Variants in RABGAP1L observed in about 807,000 individuals in gnomAD.
RABGAP1L encodes the protein RAB GTPase activating protein 1 like, also known as rab GTPase-activating protein 1-like.
A neutral mutation model predicts 137.7 loss-of-function variants in RABGAP1L; 63 were observed. That is an observed-to-expected ratio of 0.46 (90% CI 0.37 to 0.56). The LOEUF is 0.56. Ranked by LOEUF, RABGAP1L falls within the 20% of genes least tolerant of loss-of-function variation. The pLI is 0.00. For synonymous variants in RABGAP1L, 431 were observed against 433.7 expected (o/e 0.99, Z 0.08); for missense variants, 1,095 against 1,244.0 (o/e 0.88, Z 1.80).
At chr1:174,182,231 TC>T (rs1328865636) in intron 1 of RABGAP1L, among the ~76,000 whole-genome samples, 1 of 152,022 alleles carries the variant, frequency 6.6e-6, no homozygotes, top group Non-Finnish European at 1.5e-5. Context: ...CTGAGGAGAT[TC>T]GGGGAAAAAA....
chr1:174,523,306 C>T lies in RABGAP1L; in HGVS notation c.1711-114069C>T, dbSNP rs563864576. Reference sequence around the variant, plus strand: ...AGCCCTATTCTTAAATATGAGCATACAGCCAAATATCATTAGGCATTGGAA... The same window carrying T: ...AGCCCTATTCTTAAATATGAGCATATAGCCAAATATCATTAGGCATTGGAA... On this transcript the variant is annotated intron_variant, in intron 13 of 25. Transcript: ENST00000681986. 1.2e-4 allele frequency among the ~76,000 whole-genome samples: 19 copies of T among 152,198 alleles called. No individual in the cohort carries two copies. In the South Asian group the frequency reaches 3.9e-3, roughly 32 times the overall value.
chr1:174,571,578 A>G (rs926914661), intron 13 of RABGAP1L, among the ~76,000 whole-genome samples: 5 of 152,044 alleles, frequency 3.3e-5, no homozygotes, highest in Non-Finnish European at 7.4e-5. Context: ...ATTAAAAATA[A>G]AAAAATTTTT....
intron 19 of RABGAP1L, among the ~76,000 whole-genome samples, chr1:174,854,513 C>T (rs962162534): frequency 4.0e-5 from 6 of 151,896 alleles, no homozygotes; most frequent in African/African-American, 1.5e-4. Flanking sequence ...ATTTTGGGTT[C>T]ATAGATGCCA....
chr1:174,383,492 G>A (rs989675522), intron 12 of RABGAP1L, among the ~76,000 whole-genome samples: 5 of 152,188 alleles, frequency 3.3e-5, no homozygotes, highest in African/African-American at 1.2e-4. Flanking sequence ...TAATCTCGTG[G>A]TGCGCCGTTT....
Position 174,849,266 on chromosome 1 carries a change from C to T in RABGAP1L, c.2340+37306C>T, listed in dbSNP as rs1207960460. On this transcript the variant is annotated intron_variant, in intron 19 of 25. Transcript: ENST00000681986. The stretch of plus-strand genomic sequence containing the variant: ...TTGAAAATGTCACAGTCTTAAGAGT[C>T]AGGAAAGCTTTTACTTTCACTATCA... Among the ~76,000 whole-genome samples the T allele has an allele frequency of 2.0e-5, 3 of 152,064 alleles. No homozygotes were observed. The East Asian group carries it at 5.8e-4, about 29-fold the overall frequency.
chr1:174,788,357 A>G (rs1335560425), intron 18 of RABGAP1L, among the ~76,000 whole-genome samples: 4 of 152,178 alleles, frequency 2.6e-5, no homozygotes, highest in Non-Finnish European at 5.9e-5. Context: ...GTTTTGTATT[A>G]GTGAGTTATA....
intron 13 of RABGAP1L, among the ~76,000 whole-genome samples, chr1:174,572,492 T>G (rs1291402706): frequency 6.6e-6 from 1 of 152,046 alleles, no homozygotes; most frequent in Non-Finnish European, 1.5e-5. Flanking sequence ...TTCAAGCAAT[T>G]CTATCTCAGC....
chr1:174,448,983 G>A lies in RABGAP1L; in HGVS notation c.1710+54838G>A, dbSNP rs767839389. On this transcript the variant is annotated intron_variant, in intron 13 of 25. Coordinates refer to ENST00000681986, the MANE Select transcript of RABGAP1L (RefSeq NM_001366446.1). This position sits in a 1 kb window ranked among gnomAD's most constrained non-coding sequence, Gnocchi z 4.2. ...ATTTACTTTCTTCTAGAAAGCTCCC[G>A]GGTCTTGGACAATCCAACTCTGTCC... 5.0e-6 allele frequency: 8 copies of A among 1,613,416 alleles called. No homozygotes were observed. The highest frequency in any genetic ancestry group is 1.6e-4 in the Middle Eastern group (1 of 6,084).
chr1:174,181,348 T>C (rs992168676), intron 1 of RABGAP1L, among the ~76,000 whole-genome samples: 7 of 150,480 alleles, frequency 4.7e-5, no homozygotes, highest in Non-Finnish European at 8.9e-5. Context: ...TTCTTTTTTT[T>C]TTTTTTTGAG....
intron 13 of RABGAP1L, among the ~76,000 whole-genome samples, chr1:174,498,640 G>A (rs1045081242): frequency 2.1e-4 from 32 of 151,310 alleles, no homozygotes; most frequent in Admixed American, 9.9e-4. Context: ...GGGATTACAG[G>A]CGCATGCCAC....
chr1:174,261,705 T>C (rs1052207038), intron 7 of RABGAP1L, among the ~76,000 whole-genome samples: 1 of 152,226 alleles, frequency 6.6e-6, no homozygotes, highest in South Asian at 2.1e-4. Flanking sequence ...TGAGGGTCTT[T>C]TGCTGGATTT....
At position 174,910,741 on chromosome 1, in the gene RABGAP1L, T is replaced by G. The variant is rs1220574916; in HGVS notation, c.2341-46716T>G. On this transcript the variant is annotated intron_variant, in intron 19 of 25. Transcript: ENST00000681986. ...AGCATACAAAATCAACATACAAAAA[T>G]CATAATTGTAAGTCAGAGACGATCT... 2.0e-5 allele frequency among the ~76,000 whole-genome samples: 3 copies of G among 152,120 alleles called. No homozygotes were observed. In the East Asian group the frequency reaches 5.8e-4, roughly 29 times the overall value.
At chr1:174,886,379 C>G (rs1250352837) in intron 19 of RABGAP1L, among the ~76,000 whole-genome samples, 2 of 152,208 alleles carry the variant, frequency 1.3e-5, no homozygotes, top group East Asian at 1.9e-4. Context: ...TTGTAGTACT[C>G]AAACTCATTG....
In RABGAP1L at chr1:174,818,000, A is replaced by G. The variant is rs118012765; in HGVS notation, c.2340+6040A>G. Among the ~76,000 whole-genome samples the G allele has an allele frequency of 9.1e-4, 139 of 152,326 alleles. No homozygotes were observed. The East Asian group carries it at 0.022, about 25-fold the overall frequency. On this transcript the variant is annotated intron_variant, in intron 19 of 25. Coordinates refer to ENST00000681986, the MANE Select transcript of RABGAP1L (RefSeq NM_001366446.1). ...CAAGAGAACAAATTATAAGCACTAA[A>G]GATAATGAGTTAACTTTTGAATATG...
intron 10 of RABGAP1L, among the ~76,000 whole-genome samples, chr1:174,302,918 T>C (rs1677856847): frequency 6.6e-6 from 1 of 152,174 alleles, no homozygotes; most frequent in African/African-American, 2.4e-5. Flanking sequence ...GTATGATCAG[T>C]CAGTAAATAA....
intron 14 of RABGAP1L, among the ~76,000 whole-genome samples, chr1:174,662,477 CG>C (rs1225275579): frequency 6.6e-6 from 1 of 151,942 alleles, no homozygotes; most frequent in Admixed American, 6.6e-5. Flanking sequence ...AGTGCAGTGG[CG>C]CAATCTCGGC....
intron 19 of RABGAP1L, among the ~76,000 whole-genome samples, chr1:174,909,966 C>T (rs1422363012): frequency 1.3e-5 from 2 of 152,100 alleles, no homozygotes; most frequent in Non-Finnish European, 2.9e-5. Context: ...GGTGAAACCC[C>T]GTCTGTACTA....
chr1:174,921,509 C>T (rs533164775), intron 19 of RABGAP1L, among the ~76,000 whole-genome samples: 2 of 152,254 alleles, frequency 1.3e-5, no homozygotes, highest in East Asian at 3.9e-4. Context: ...CATACTCTTT[C>T]CTATAGGATA....
chr1:174,209,438 G>C (rs1234685699), intron 1 of RABGAP1L, among the ~76,000 whole-genome samples: 1 of 152,196 alleles, frequency 6.6e-6, no homozygotes. Flanking sequence ...GGCCTTAAGG[G>C]AACATCGGCA....
Sources: gnomAD v4.1 joint callset for allele counts (sites outside exome capture counted in the v4.1 genomes callset) on GRCh38, gnomAD v4.1.1 for gene constraint, Gnocchi (gnomAD v3.1) non-coding constraint, MANE v1.5 for transcripts, NCBI Gene and HGNC (gene_info 2026-07-23, HGNC 2026-07-21) for gene names.